Variants in RANBP2 observed in about 807,000 individuals in gnomAD.
RANBP2 encodes E3 SUMO-protein ligase RanBP2.
RANBP2 carries 57 observed loss-of-function variants against 303.6 expected under a neutral mutation model. That is an observed-to-expected ratio of 0.19 (90% CI 0.15 to 0.23). The LOEUF is 0.23. Ranked by LOEUF, RANBP2 falls within the 10% of genes least tolerant of loss-of-function variation. The pLI is 1.00. For synonymous variants in RANBP2, 1,167 were observed against 1,301.5 expected, an observed-to-expected ratio of 0.90 and a Z score of 2.23; for missense variants, 3,138 against 3,780.8, an observed-to-expected ratio of 0.83 and a Z score of 4.46.
the RANBP2 span, among the ~76,000 whole-genome samples, chr2:108,902,537 G>A: frequency 2.0e-5 from 3 of 152,142 alleles, no homozygotes; most frequent in East Asian, 1.9e-4. Flanking sequence ...CTTATTCTAT[G>A]AGGGTAGTAT....
At chr2:109,150,914 A>G in the RANBP2 span, among the ~76,000 whole-genome samples, 1 of 152,240 alleles carries the variant, frequency 6.6e-6, no homozygotes, top group East Asian at 1.9e-4. Flanking sequence ...GGCTGAACAT[A>G]AAGAGCATTC....
At chr2:109,502,119 G>T in the RANBP2 span, 3 of 166,356 alleles carry the variant, frequency 1.8e-5, no homozygotes, top group African/African-American at 7.1e-5. Flanking sequence ...CGGGGCCCAG[G>T]TTGCTCTGTC....
At chr2:108,850,001 T>C in the RANBP2 span, among the ~76,000 whole-genome samples, 1 of 152,064 alleles carries the variant, frequency 6.6e-6, no homozygotes, top group East Asian at 1.9e-4. Flanking sequence ...TGAATACAAG[T>C]GTAAAAGGGG....
chr2:109,130,024 G>C, the RANBP2 span: 3 of 1,328,028 alleles, frequency 2.3e-6, no homozygotes, highest in South Asian at 2.1e-5. Context: ...CAGCACCCCG[G>C]GTTCCCCGGT....
chr2:108,719,555 T>C lies in RANBP2; in HGVS notation c.-52T>C. ...CTTTCCTCTTGGAAGTGGCGACTGCTGCGGGCCTGAGCGCTGGTCTCACGC... is the reference window on the plus strand; with the variant it reads ...CTTTCCTCTTGGAAGTGGCGACTGCCGCGGGCCTGAGCGCTGGTCTCACGC... On this transcript the variant is annotated 5_prime_UTR_variant, in exon 1 of 29. Transcript: ENST00000283195. 2 of 1,572,238 alleles carry C rather than the reference T, an allele frequency of 1.3e-6. No homozygotes were observed. The highest frequency in any genetic ancestry group is 1.7e-6 in the Non-Finnish European group (2 of 1,160,520).
At chr2:109,311,488 G>T in the RANBP2 span, among the ~76,000 whole-genome samples, 1 of 149,606 alleles carries the variant, frequency 6.7e-6, no homozygotes, top group East Asian at 2.0e-4. Context: ...GGAAGTTCTG[G>T]CCAGGGCAAT....
chr2:109,155,512 A>G, the RANBP2 span, among the ~76,000 whole-genome samples: 8 of 152,266 alleles, frequency 5.3e-5, no homozygotes, highest in Non-Finnish European at 1.0e-4. Context: ...GGTGTTAGCC[A>G]GGGTGGTCTC....
At chr2:109,705,859 A>C in the RANBP2 span, among the ~76,000 whole-genome samples, 2 of 152,176 alleles carry the variant, frequency 1.3e-5, no homozygotes, top group African/African-American at 4.8e-5. Context: ...TCTAATGGAC[A>C]TCTCAAATCC....
In RANBP2 at chr2:108,719,488, G is replaced by A. The variant is rs767271238; in HGVS notation, c.-119G>A. ...GCTGCGCCGCAAGTTCGTCACAGTG[G>A]TCCTCCGCCGGCTACGGCGCTGCGT... On this transcript the variant is annotated 5_prime_UTR_variant, in exon 1 of 29. Transcript: ENST00000283195. 6.7e-7 allele frequency: 1 copy of A among 1,497,538 alleles called. No homozygotes were observed. Among genetic ancestry groups the A allele is most frequent in the Non-Finnish European group, 9.0e-7 (1 of 1,110,704 alleles). 92.8% of individuals were successfully genotyped at this position (1,497,538 alleles called of 1,614,324 possible). A position where few individuals can be genotyped will look rare whatever the true frequency, so the allele number is the denominator to read the frequency against.
At position 108,729,206 on chromosome 2, in the gene RANBP2, A is replaced by G. The variant is rs1694976400; in HGVS notation, c.140+7A>G. 1 of 1,565,460 alleles carries G rather than the reference A, an allele frequency of 6.4e-7. No individual in the cohort carries two copies. Among genetic ancestry groups the G allele is most frequent in the African/African-American group, 1.4e-5 (1 of 73,926 alleles). On this transcript the variant is annotated splice_region_variant and intron_variant, in intron 2 of 28. Transcript: ENST00000283195. ...AATATGATCTTGCTAAAAAGTAAGT[A>G]CAAACTGTAACATGTATTTTTTTTT... is the stretch of plus-strand genomic sequence containing the variant.
At chr2:108,922,819 C>T in the RANBP2 span, among the ~76,000 whole-genome samples, 1 of 152,104 alleles carries the variant, frequency 6.6e-6, no homozygotes, top group Non-Finnish European at 1.5e-5. Flanking sequence ...AGGTACCTGG[C>T]CCTTCGTCAT....
At chr2:108,925,061 A>G in the RANBP2 span, among the ~76,000 whole-genome samples, 1 of 151,824 alleles carries the variant, frequency 6.6e-6, no homozygotes, top group Non-Finnish European at 1.5e-5. Flanking sequence ...ACCTCCACGC[A>G]TTCTCTCTCC....
the RANBP2 span, among the ~76,000 whole-genome samples, chr2:109,697,222 GC>G: frequency 1.3e-5 from 2 of 152,336 alleles, no homozygotes; most frequent in Non-Finnish European, 2.9e-5. Context: ...GGGCGCAGTA[GC>G]TCATGCCTGT....
At chr2:108,735,096 G>A (rs1035349532) in intron 4 of RANBP2, among the ~76,000 whole-genome samples, 18 of 152,332 alleles carry the variant, frequency 1.2e-4, no homozygotes, top group African/African-American at 3.8e-4. Flanking sequence ...AGGTCAGGAG[G>A]TGATGACAGT....
chr2:109,246,547 T>C, the RANBP2 span, among the ~76,000 whole-genome samples: 3 of 152,218 alleles, frequency 2.0e-5, no homozygotes, highest in Non-Finnish European at 4.4e-5. Context: ...CCAAGGAATA[T>C]CATGCCTAAC....
chr2:109,613,672 G>A, the RANBP2 span: 1 of 615,364 alleles, frequency 1.6e-6, no homozygotes, highest in Non-Finnish European at 2.3e-6. Flanking sequence ...AGCACTGGGC[G>A]GGCGGGGCCG....
At chr2:108,844,808 C>G in the RANBP2 span, among the ~76,000 whole-genome samples, 3 of 148,910 alleles carry the variant, frequency 2.0e-5, no homozygotes, top group Non-Finnish European at 4.4e-5. Flanking sequence ...AGAGCAGTGG[C>G]ACGATCTCGG....
the RANBP2 span, among the ~76,000 whole-genome samples, chr2:109,559,473 ATC>A: frequency 9.2e-4 from 140 of 152,230 alleles, no homozygotes; most frequent in African/African-American, 3.3e-3. Flanking sequence ...AAGCTGAAGA[ATC>A]TCCCTTTCTA....
downstream of RANBP2, chr2:108,786,648 G>A (rs75784998): frequency 7.8e-3 from 4,908 of 627,136 alleles, 189 homozygotes; most frequent in African/African-American, 0.084. Flanking sequence ...GAAACTTGGA[G>A]GACGCGCTGA....
Sources: allele counts gnomAD v4.1 joint callset (sites outside exome capture counted in the v4.1 genomes callset), GRCh38; gene constraint gnomAD v4.1.1; transcripts MANE v1.5; gene names NCBI Gene and HGNC (gene_info 2026-07-23, HGNC 2026-07-21).